Variants in AKAP6 observed in about 807,000 individuals in gnomAD.
The protein encoded by AKAP6 is A-kinase anchor protein 6.
A neutral mutation model predicts 188.5 loss-of-function variants in AKAP6; 58 were observed. The observed-to-expected ratio is 0.31, with a 90% CI of 0.25 to 0.38. The LOEUF (loss-of-function observed/expected upper bound fraction) is 0.38, where lower values mean the gene tolerates loss of function less well. Ranked by LOEUF, AKAP6 falls within the 10% of genes least tolerant of loss-of-function variation. AKAP6 has a pLI of 1.00. For synonymous variants in AKAP6, 989 were observed against 998.6 expected (o/e 0.99, Z 0.18); for missense variants, 2,710 against 2,740.0 (o/e 0.99, Z 0.24).
intron 2 of AKAP6, among the ~76,000 whole-genome samples, chr14:32,520,644 C>G (rs1881778072): frequency 6.6e-6 from 1 of 152,022 alleles, no homozygotes; most frequent in Admixed American, 6.6e-5. Context: ...AAGACTAAAC[C>G]AGGAAGAAGT....
intron 7 of AKAP6, among the ~76,000 whole-genome samples, chr14:32,617,595 TCAA>T (rs1236404328): frequency 7.9e-5 from 12 of 152,186 alleles, no homozygotes; most frequent in African/African-American, 2.9e-4. Flanking sequence ...ATAACACAAA[TCAA>T]AACCCTTAAA....
rs1020632361 is a variant in AKAP6, at chr14:32,830,179, G to A, written c.*374G>A. ...AAGTTCTGCAGTTCACCAACTGGTA[G>A]TCCATTAAATTCTCCTGTCTAGAAT... On this transcript the variant is annotated 3_prime_UTR_variant, in exon 14 of 14. Coordinates refer to ENST00000280979, the MANE Select transcript of AKAP6 (RefSeq NM_004274.5). 5 of 516,906 alleles carry A rather than the reference G, an allele frequency of 9.7e-6. No individual in the cohort carries two copies. The Admixed American group carries it at 1.9e-4, about 19-fold the overall frequency. The allele number at this position is 516,906 out of a possible 1,614,324, so 32.0% of individuals were successfully genotyped here.
intron 4 of AKAP6, among the ~76,000 whole-genome samples, chr14:32,560,377 A>G (rs1029289058): frequency 1.3e-5 from 2 of 152,090 alleles, no homozygotes; most frequent in African/African-American, 4.8e-5. Context: ...TAACATTAGG[A>G]ATGTTTCAGT....
intron 7 of AKAP6, among the ~76,000 whole-genome samples, chr14:32,614,633 G>T (rs115577683): frequency 2.9e-3 from 445 of 152,234 alleles, no homozygotes; most frequent in African/African-American, 9.6e-3. Flanking sequence ...ATTGTGGACT[G>T]CCTAACCAAT....
At position 32,798,401 on chromosome 14, in the gene AKAP6, A is replaced by G. The variant is rs866758538; in HGVS notation, c.3589-23001A>G. ...CCATTACTGGGTATGTTCCCAAATC[A>G]TACTACTGTAAAGATACATACATAT... is the stretch of plus-strand genomic sequence containing the variant. On this transcript the variant is annotated intron_variant, in intron 12 of 13. Transcript: ENST00000280979. Among the ~76,000 whole-genome samples, 7 of 152,278 alleles carry G rather than the reference A, an allele frequency of 4.6e-5. No homozygotes were observed. The South Asian group carries it at 1.0e-3, about 23-fold the overall frequency.
intron 2 of AKAP6, chr14:32,473,609 G>A (rs1878894924): frequency 6.6e-6 from 1 of 152,184 alleles, no homozygotes; most frequent in South Asian, 2.1e-4. Flanking sequence ...GCAGATCCAA[G>A]CATTTTGCAA....
Position 32,823,212 on chromosome 14 carries a change from A to C in AKAP6, c.5399A>C (p.Asn1800Thr). 6.2e-7 allele frequency: 1 copy of C among 1,613,824 alleles called. No homozygotes were observed. Among genetic ancestry groups the C allele is most frequent in the African/African-American group, 1.3e-5 (1 of 75,010 alleles). Residue 1800 changes from asparagine to threonine, a missense_variant, in exon 13 of 14, where the codon AAT becomes ACT. This residue lies in a region of AKAP6 where 2,473 missense variants were observed against 2,426.1 expected (regional missense o/e 1.02). Coordinates refer to ENST00000280979, the MANE Select transcript of AKAP6 (RefSeq NM_004274.5). ...ATGTCAGGGCTAGACTACATAAAGA[A>C]TGAATTACAGACCTGGATTAGGCCA... ...TLMSGLDYIK[N>T]ELQTWIRPKL...
At chr14:32,582,052 T>G (rs544610365) in intron 5 of AKAP6, among the ~76,000 whole-genome samples, 11 of 152,004 alleles carry the variant, frequency 7.2e-5, no homozygotes, top group South Asian at 6.2e-4. Context: ...GTTAGCTGGT[T>G]ATTTTGCTCG....
At chr14:32,645,918 G>A (rs914757362) in intron 7 of AKAP6, among the ~76,000 whole-genome samples, 4 of 152,068 alleles carry the variant, frequency 2.6e-5, no homozygotes, top group African/African-American at 7.2e-5. Flanking sequence ...CTCGGAGAAA[G>A]CATTGATTAT....
chr14:32,580,440 T>A (rs1222054670), intron 5 of AKAP6, among the ~76,000 whole-genome samples: 1 of 152,086 alleles, frequency 6.6e-6, no homozygotes, highest in African/African-American at 2.4e-5. Flanking sequence ...CTTCTATCTC[T>A]CTCCCTTCTC....
At chr14:32,397,656 T>A (rs1284277803) in intron 1 of AKAP6, among the ~76,000 whole-genome samples, 1 of 152,206 alleles carries the variant, frequency 6.6e-6, no homozygotes, top group Non-Finnish European at 1.5e-5. Flanking sequence ...CTATAGGCAC[T>A]CAGTAATGCA....
At chr14:32,474,935 C>T (rs1262489943) in intron 2 of AKAP6, among the ~76,000 whole-genome samples, 2 of 152,200 alleles carry the variant, frequency 1.3e-5, no homozygotes, top group Non-Finnish European at 2.9e-5. Context: ...CATATGTTCA[C>T]TTCCACAGCT....
intron 7 of AKAP6, among the ~76,000 whole-genome samples, chr14:32,672,462 C>T (rs927351129): frequency 6.6e-6 from 1 of 152,160 alleles, no homozygotes; most frequent in Non-Finnish European, 1.5e-5. Context: ...CTCTCCTTGG[C>T]TCACAGATGG....
rs558039227 is a variant in AKAP6 at position 32,459,490 on chromosome 14, A to G, written c.324+25673A>G. On this transcript the variant is annotated intron_variant, in intron 2 of 13. Coordinates refer to ENST00000280979, the MANE Select transcript of AKAP6 (RefSeq NM_004274.5). The stretch of plus-strand genomic sequence containing the variant: ...TACATAATAGAAATCTCAAAGAAAG[A>G]AAACAAAAACAGTGGAATAGAACCA... Among the ~76,000 whole-genome samples the G allele has an allele frequency of 4.6e-5, 7 of 152,266 alleles. No individual in the cohort carries two copies. In the South Asian group the frequency reaches 1.5e-3, roughly 32 times the overall value.
intron 1 of AKAP6, among the ~76,000 whole-genome samples, chr14:32,357,478 C>T (rs542009794): frequency 9.2e-5 from 14 of 152,024 alleles, no homozygotes; most frequent in Middle Eastern, 3.2e-3. Flanking sequence ...AAATGTTTAT[C>T]GAGTTGAGGT....
At chr14:32,486,427 A>G (rs1457417197) in intron 2 of AKAP6, among the ~76,000 whole-genome samples, 1 of 152,008 alleles carries the variant, frequency 6.6e-6, no homozygotes, top group Non-Finnish European at 1.5e-5. Flanking sequence ...TTTTCACAAC[A>G]TTGATTTTTC....
chr14:32,415,173 C>G (rs1889616834), intron 1 of AKAP6, among the ~76,000 whole-genome samples: 1 of 152,166 alleles, frequency 6.6e-6, no homozygotes, highest in Non-Finnish European at 1.5e-5. Flanking sequence ...ACATAAGTCT[C>G]TCTTTAAGCC....
At chr14:32,564,074 C>T (rs1320592352) in intron 4 of AKAP6, among the ~76,000 whole-genome samples, 4 of 152,098 alleles carry the variant, frequency 2.6e-5, no homozygotes, top group Non-Finnish European at 4.4e-5. Context: ...AACCTACACA[C>T]CTTGTGTATG....
At chr14:32,447,021 C>G (rs1326901392) in intron 2 of AKAP6, among the ~76,000 whole-genome samples, 1 of 152,262 alleles carries the variant, frequency 6.6e-6, no homozygotes, top group Admixed American at 6.5e-5. Context: ...TTCCTCTCCT[C>G]ATGTTATGAC....
Sources: gnomAD v4.1 joint callset for allele counts (sites outside exome capture counted in the v4.1 genomes callset) on GRCh38, gnomAD v4.1.1 for gene constraint, gnomAD v4.1.1 regional missense constraint, MANE v1.5 for transcripts, NCBI Gene and HGNC (gene_info 2026-07-23, HGNC 2026-07-21) for gene names.